Variants in HUWE1 observed in about 807,000 individuals in gnomAD.
HUWE1 encodes E3 ubiquitin-protein ligase HUWE1.
HUWE1 carries 18 observed loss-of-function variants against 299.4 expected under a neutral mutation model. The observed-to-expected ratio is 0.06, with a 90% CI of 0.04 to 0.09. The LOEUF is 0.09. Among genes scored for constraint, HUWE1 ranks in the 10% least tolerant of loss-of-function variants. The pLI is 1.00. For missense variants in HUWE1, 1,832 were observed against 3,462.3 expected (o/e 0.53, Z 11.82); for synonymous variants, 1,317 against 1,286.1 (o/e 1.02, Z -0.51).
chrX:53,602,515 G>A (rs1556991931), intron 28 of HUWE1, 49 bp downstream of exon 28: 8 of 741,015 alleles, frequency 1.1e-5, no homozygotes, highest in African/African-American at 2.1e-5. Flanking sequence ...TAAAGACGTA[G>A]GAACAAAACT....
intron 3 of HUWE1, among the ~76,000 whole-genome samples, chrX:53,679,172 AG>A (rs1414580443): frequency 9.0e-6 from 1 of 111,138 alleles, no homozygotes; most frequent in South Asian, 3.8e-4. Flanking sequence ...ATAAATTGGA[AG>A]AAAAAAAAAA....
Position 53,662,255 on chromosome X carries a change from C to G in HUWE1, c.-24-8124G>C, listed in dbSNP as rs140349013. On this transcript the variant is annotated intron_variant, in intron 3 of 83. Coordinates refer to ENST00000262854, the MANE Select transcript of HUWE1 (RefSeq NM_031407.7). ...AGATCAGAATACAGACTCAGAAAAC[C>G]TGGGCTAGAATCCCTGCTATATCAC... Among the ~76,000 whole-genome samples the G allele has an allele frequency of 6.3e-5, 7 of 111,652 alleles. No individual in the cohort carries two copies. The East Asian group carries it at 2.0e-3, about 31-fold the overall frequency.
intron 28 of HUWE1, 41 bp from the exon 29 acceptor site, chrX:53,600,350 C>CT: frequency 1.0e-6 from 1 of 960,469 alleles, no homozygotes; most frequent in Non-Finnish European, 1.5e-6. Flanking sequence ...CAATGTAGAG[C>CT]CAACATTTAC....
chrX:53,628,056 A>G (rs1272899873), intron 15 of HUWE1, among the ~76,000 whole-genome samples, 177 bp from the exon 16 acceptor site: 6 of 111,201 alleles, frequency 5.4e-5, no homozygotes, highest in Non-Finnish European at 7.5e-5. Flanking sequence ...CTGCGACTCA[A>G]CCTCTGAGGT....
At chrX:53,672,139 T>A (rs1224390077) in intron 3 of HUWE1, among the ~76,000 whole-genome samples, 1 of 110,699 alleles carries the variant, frequency 9.0e-6, no homozygotes, top group Non-Finnish European at 1.9e-5. Context: ...AGAAAACAGC[T>A]TGGAAAAAAA....
intron 73 of HUWE1, 72 bp downstream of exon 73, chrX:53,543,769 A>G: frequency 8.3e-7 from 1 of 1,199,133 alleles, no homozygotes; most frequent in South Asian, 1.8e-5. Flanking sequence ...AGGCAATGAA[A>G]CCCCACTGAT....
At chrX:53,555,284 C>T (rs1556933463) in intron 60 of HUWE1, among the ~76,000 whole-genome samples, 1 of 112,083 alleles carries the variant, frequency 8.9e-6, no homozygotes, top group African/African-American at 3.2e-5. Flanking sequence ...GATCCTCCCA[C>T]TTCATCTATT....
intron 73 of HUWE1, 79 bp from the exon 74 acceptor site, chrX:53,542,618 A>G (rs782614707): frequency 4.6e-4 from 303 of 653,929 alleles, no homozygotes; most frequent in Non-Finnish European, 7.6e-5. Flanking sequence ...TGGCCCTTCC[A>G]CTTCTCATAC....
intron 19 of HUWE1, among the ~76,000 whole-genome samples, chrX:53,621,483 A>G (rs940950137): frequency 9.3e-6 from 1 of 107,475 alleles, no homozygotes; most frequent in African/African-American, 3.4e-5. Flanking sequence ...GCTTCTATCC[A>G]TCCAGCATAC....
At chrX:53,590,681 G>T (rs2064109665) in intron 34 of HUWE1, among the ~76,000 whole-genome samples, 182 bp from the exon 35 acceptor site, 2 of 112,301 alleles carry the variant, frequency 1.8e-5, no homozygotes, top group Admixed American at 1.9e-4. Flanking sequence ...CTACAAACAA[G>T]AACAGATGAG....
intron 4 of HUWE1, 21 bp downstream of exon 4, chrX:53,654,042 A>G (rs1037907866): frequency 8.9e-7 from 1 of 1,123,473 alleles, no homozygotes; most frequent in Non-Finnish European, 1.2e-6. Flanking sequence ...AAATAAGCAA[A>G]GTAAACTTTT....
At chrX:53,642,690 C>T (rs1415385837) in intron 7 of HUWE1, among the ~76,000 whole-genome samples, 1 of 112,397 alleles carries the variant, frequency 8.9e-6, no homozygotes, top group Admixed American at 9.4e-5. Flanking sequence ...TTCTGCAAAT[C>T]TGATGCTTAC....
intron 34 of HUWE1, 49 bp downstream of exon 34, chrX:53,590,951 A>G: frequency 1.7e-6 from 2 of 1,202,627 alleles, no homozygotes; most frequent in Non-Finnish European, 2.3e-6. Context: ...AAAGGACTTC[A>G]GCAGTCAAAC....
intron 43 of HUWE1, among the ~76,000 whole-genome samples, chrX:53,579,508 C>T (rs1262552390): frequency 1.8e-5 from 2 of 110,853 alleles, no homozygotes; most frequent in African/African-American, 6.5e-5. Flanking sequence ...AATAGAAAGG[C>T]GGGAAGGGTG....
chrX:53,612,559 G>A lies in HUWE1; in HGVS notation c.2261+1975C>T, dbSNP rs984661787. ...CTACCTACTATATACAAAGTGATAG[G>A]GATACACTGGTGAATGAGGCAATGT... On this transcript the variant is annotated intron_variant, in intron 23 of 83. Transcript: ENST00000262854. Among the ~76,000 whole-genome samples, 9 of 111,682 alleles carry A rather than the reference G, an allele frequency of 8.1e-5. No individual in the cohort carries two copies. The Admixed American group carries it at 8.6e-4, about 11-fold the overall frequency.
chrX:53,534,341 T>G (rs1056869372), intron 82 of HUWE1, 144 bp from the exon 83 acceptor site: 9 of 690,204 alleles, frequency 1.3e-5, no homozygotes, highest in Non-Finnish European at 1.8e-5. Flanking sequence ...CTTTCATTCA[T>G]AAGACGGCCA....
At chrX:53,616,708 G>A (rs2065824972) in intron 21 of HUWE1, among the ~76,000 whole-genome samples, 1 of 111,491 alleles carries the variant, frequency 9.0e-6, no homozygotes, top group African/African-American at 3.3e-5. Context: ...ACCAGATGGT[G>A]AACCTGGAAA....
intron 46 of HUWE1, 63 bp from the exon 47 acceptor site, chrX:53,574,027 A>G (rs370368882): frequency 2.0e-6 from 2 of 987,283 alleles, no homozygotes; most frequent in Non-Finnish European, 2.9e-6. Context: ...ATCAAGTCTT[A>G]GGTGGAAAAG....
At chrX:53,586,711 A>C (rs1418960383) in intron 38 of HUWE1, 71 bp downstream of exon 38, 1 of 1,179,927 alleles carries the variant, frequency 8.5e-7, no homozygotes, top group African/African-American at 1.8e-5. Context: ...CATGCCCCAG[A>C]AGAGTGCCTG....
Sources: gnomAD v4.1 joint callset for allele counts (sites outside exome capture counted in the v4.1 genomes callset) on GRCh38, gnomAD v4.1.1 for gene constraint, MANE v1.5 for transcripts, NCBI Gene and HGNC (gene_info 2026-07-23, HGNC 2026-07-21) for gene names.